The following MAPT variants were observed in gnomAD, a reference collection of about 807,000 sequenced individuals.
The protein encoded by MAPT is microtubule-associated protein tau.
MAPT carries 34 observed loss-of-function variants against 67.9 expected under a neutral mutation model. The observed-to-expected ratio is 0.50, with a 90% CI of 0.38 to 0.67. The LOEUF (loss-of-function observed/expected upper bound fraction) is 0.67, where lower values mean the gene tolerates loss of function less well. Among genes scored for constraint, MAPT ranks in the 30% least tolerant of loss-of-function variants. The pLI, the probability that MAPT is intolerant of heterozygous loss-of-function variation, is 0.00. For missense variants in MAPT, 881 were observed against 1,115.2 expected, an observed-to-expected ratio of 0.79 and a Z score of 2.99; for synonymous variants, 456 against 464.5, an observed-to-expected ratio of 0.98 and a Z score of 0.23.
chr17:45,954,877 G>A lies in MAPT; in HGVS notation c.-17-7444G>A, dbSNP rs112666036. On this transcript the variant is annotated intron_variant, in intron 1 of 12. Coordinates refer to ENST00000262410, the MANE Select transcript of MAPT (RefSeq NM_001377265.1). ...CGGGCGCCTGTAGTCCCAGCTACTC[G>A]GGAGGCTGAGGCAGGAGAATGTCTT... 3.9e-5 allele frequency among the ~76,000 whole-genome samples: 6 copies of A among 152,132 alleles called. No individual in the cohort carries two copies. The East Asian group carries it at 5.8e-4, about 15-fold the overall frequency.
chr17:45,912,045 T>C (rs752568652), intron 1 of MAPT, among the ~76,000 whole-genome samples: 17 of 152,212 alleles, frequency 1.1e-4, no homozygotes, highest in Non-Finnish European at 1.8e-4. Context: ...AAGATCTTGA[T>C]GAACAGGGCT....
At position 45,983,865 on chromosome 17, in the gene MAPT, C is replaced by T. The variant is rs1235948930; in HGVS notation, c.1286C>T (p.Pro429Leu). Residue 429 changes from proline (P) to leucine (L), a missense_variant, in exon 5 of 13, where the codon CCC becomes CTC. Pro to Leu is a moderately conservative substitution (Grantham distance 98, BLOSUM62 -3). This residue lies in a region of MAPT where 687 missense variants were observed against 766.1 expected (regional missense o/e 0.90). Coordinates refer to ENST00000262410, the MANE Select transcript of MAPT (RefSeq NM_001377265.1). ...EDTKEADLPE[P>L]SEKQPAAAPR... Reference sequence around the variant, plus strand: ...ACAAAAGAGGCTGACCTTCCAGAGCCCTCTGAAAAGCAGCCTGCTGCTGCT... The same window carrying T: ...ACAAAAGAGGCTGACCTTCCAGAGCTCTCTGAAAAGCAGCCTGCTGCTGCT... 1.2e-6 allele frequency: 2 copies of T among 1,600,410 alleles called. No individual in the cohort carries two copies. Among genetic ancestry groups the T allele is most frequent in the East Asian group, 4.5e-5 (2 of 44,798 alleles).
At chr17:45,900,660 C>G (rs1419887919) in intron 1 of MAPT, among the ~76,000 whole-genome samples, 1 of 152,188 alleles carries the variant, frequency 6.6e-6, no homozygotes, top group Non-Finnish European at 1.5e-5. Context: ...GTTACCCTCC[C>G]CCAGGTCCCC....
At chr17:45,909,995 C>T (rs555292574) in intron 1 of MAPT, among the ~76,000 whole-genome samples, 2 of 151,200 alleles carry the variant, frequency 1.3e-5, no homozygotes, top group South Asian at 2.1e-4. Context: ...GAGCTGAGAT[C>T]GCGCCACTGC....
intron 2 of MAPT, among the ~76,000 whole-genome samples, chr17:45,966,369 C>T (rs2071080684): frequency 6.6e-6 from 1 of 152,174 alleles, no homozygotes; most frequent in Non-Finnish European, 1.5e-5. Flanking sequence ...AGGTGGATTG[C>T]TTGAGCCCAG....
Position 45,971,855 on chromosome 17 carries a change from C to T in MAPT, c.134-4C>T. 6.2e-7 allele frequency: 1 copy of T among 1,610,736 alleles called. No individual in the cohort carries two copies. The stretch of plus-strand genomic sequence containing the variant: ...GTTCTGAGGGCTCACTGTATGTGTT[C>T]CAGAATCTCCCCTGCAGACCCCCAC... On this transcript the variant is annotated splice_polypyrimidine_tract_variant and splice_region_variant and intron_variant, in intron 2 of 12. Coordinates refer to ENST00000262410, the MANE Select transcript of MAPT (RefSeq NM_001377265.1). This position sits in a 1 kb window ranked among gnomAD's most constrained non-coding sequence, Gnocchi z 4.3.
intron 2 of MAPT, among the ~76,000 whole-genome samples, chr17:45,964,203 T>G (rs971705563): frequency 2.0e-5 from 3 of 152,026 alleles, no homozygotes; most frequent in Non-Finnish European, 4.4e-5. Flanking sequence ...TTTGTTTTTT[T>G]TTGTTTTGTT....
At chr17:45,984,038 C>T (rs372276585) in intron 5 of MAPT, 108 bp downstream of exon 5, 6 of 967,806 alleles carry the variant, frequency 6.2e-6, no homozygotes, top group South Asian at 3.2e-5. Flanking sequence ...CTGCTTCTGA[C>T]GTTCCTAGGA....
At chr17:45,916,091 G>A (rs1358595504) in intron 1 of MAPT, among the ~76,000 whole-genome samples, 5 of 152,138 alleles carry the variant, frequency 3.3e-5, no homozygotes, top group African/African-American at 7.2e-5. Flanking sequence ...CAGAATTCCC[G>A]CTTTTCAGCT....
At chr17:45,932,221 T>C (rs1313636121) in intron 1 of MAPT, 1 of 152,212 alleles carries the variant, frequency 6.6e-6, no homozygotes, top group African/African-American at 2.4e-5. Flanking sequence ...ACTTGCTTAA[T>C]GCAGGAACAT....
intron 6 of MAPT, among the ~76,000 whole-genome samples, chr17:45,987,504 T>C (rs1386877708): frequency 6.6e-6 from 1 of 152,234 alleles, no homozygotes; most frequent in Non-Finnish European, 1.5e-5. Context: ...TTCTCAGTAT[T>C]TCACTTCACC....
chr17:46,007,780 C>G (rs573660566), intron 9 of MAPT, among the ~76,000 whole-genome samples: 2 of 152,092 alleles, frequency 1.3e-5, no homozygotes, highest in East Asian at 1.9e-4. Flanking sequence ...AGAGTTGTAC[C>G]GAGAGGTTTT....
rs35907411 is a variant in MAPT, at chr17:45,933,840, A to ATTT, written c.-17-28465_-17-28463dup. On this transcript the variant is annotated intron_variant, in intron 1 of 12. Coordinates refer to ENST00000262410, the MANE Select transcript of MAPT (RefSeq NM_001377265.1). ...TCTTTGCACATTGAAATGTTTTCTG[A>ATTT]TTTTTTTTTTTTTTTTTTGCTGTTA... Among the ~76,000 whole-genome samples the ATTT allele has an allele frequency of 5.2e-3, 714 of 137,788 alleles. 9 individuals are homozygous for ATTT. The highest frequency in any genetic ancestry group is 0.016 in the African/African-American group (596 of 36,570). 90.4% of individuals were successfully genotyped at this position (137,788 alleles called of 152,430 possible).
At chr17:45,909,703 T>G (rs2064609941) in intron 1 of MAPT, among the ~76,000 whole-genome samples, 1 of 151,886 alleles carries the variant, frequency 6.6e-6, no homozygotes, top group African/African-American at 2.4e-5. Context: ...AAACCCCGTG[T>G]CTACTAAAAA....
chr17:45,941,635 TTTCCCTCC>T (rs1475540198), intron 1 of MAPT, among the ~76,000 whole-genome samples: 1 of 58,366 alleles, frequency 1.7e-5, no homozygotes. Flanking sequence ...TCCTTCCCTC[TTTCCCTCC>T]TTCCCCCCTT....
At position 45,983,352 on chromosome 17, in the gene MAPT, A is replaced by G; in HGVS notation, c.773A>G (p.His258Arg). The part of the protein sequence containing the change: ...TGPEDTEGGR[H>R]APELLKHQLL... ...CCTGAGGACACAGAGGGCGGCCGCC[A>G]CGCCCCTGAGCTGCTCAAGCACCAG... The change falls in exon 5 of 13, where the codon CAC becomes CGC. Residue 258 changes from histidine to arginine, a missense_variant. His to Arg is a conservative substitution (Grantham distance 29, BLOSUM62 0). Around this residue, in one of 6 missense-constraint regions of MAPT, gnomAD observed 687 missense variants for 766.1 expected, o/e 0.90. Coordinates refer to ENST00000262410, the MANE Select transcript of MAPT (RefSeq NM_001377265.1). 1 of 1,606,538 alleles carries G rather than the reference A, an allele frequency of 6.2e-7. No individual in the cohort carries two copies. The highest frequency in any genetic ancestry group is 1.3e-5 in the African/African-American group (1 of 74,876).
At chr17:46,022,049 G>A (rs974013129) in intron 12 of MAPT, among the ~76,000 whole-genome samples, 6 of 152,128 alleles carry the variant, frequency 3.9e-5, no homozygotes, top group African/African-American at 1.4e-4. Context: ...GTATTAAATG[G>A]TCTTTCAAGA....
chr17:45,945,909 A>G (rs932408814), intron 1 of MAPT, among the ~76,000 whole-genome samples: 2 of 152,230 alleles, frequency 1.3e-5, no homozygotes, highest in African/African-American at 4.8e-5. Context: ...GGTGCCATGT[A>G]GGGAAAATTA....
intron 4 of MAPT, among the ~76,000 whole-genome samples, chr17:45,980,948 TG>T (rs573349910): frequency 6.9e-4 from 105 of 152,350 alleles, no homozygotes; most frequent in Middle Eastern, 3.4e-3. Context: ...TGACACCAGT[TG>T]ATCTGTGCAG....
Sources: allele counts gnomAD v4.1 joint callset (sites outside exome capture counted in the v4.1 genomes callset), GRCh38; gene constraint gnomAD v4.1.1; regional missense constraint gnomAD v4.1.1; non-coding constraint Gnocchi (gnomAD v3.1); transcripts MANE v1.5; gene names NCBI Gene and HGNC (gene_info 2026-07-23, HGNC 2026-07-21).